The following ATF6 variants were observed in gnomAD, a reference collection of about 807,000 sequenced individuals.
ATF6 encodes the protein cyclic AMP-dependent transcription factor ATF-6 alpha.
A neutral mutation model predicts 83.6 loss-of-function variants in ATF6; 53 were observed. The observed-to-expected ratio is 0.63, with a 90% CI of 0.51 to 0.80. The LOEUF (loss-of-function observed/expected upper bound fraction) is 0.80, where lower values mean the gene tolerates loss of function less well. ATF6 is among the 30% of genes least tolerant of loss of function. The probability of loss-of-function intolerance (pLI) is 0.00; values close to 1 mark genes in which losing one functional copy is unlikely to be tolerated. For missense variants in ATF6, 744 were observed against 797.9 expected, an observed-to-expected ratio of 0.93 and a Z score of 0.81; for synonymous variants, 288 against 285.8, an observed-to-expected ratio of 1.01 and a Z score of -0.08.
chr1:161,847,891 C>T (rs1044410656), intron 10 of ATF6, among the ~76,000 whole-genome samples: 12 of 152,096 alleles, frequency 7.9e-5, no homozygotes, highest in African/African-American at 2.9e-4. Context: ...TTATTCTGCA[C>T]TAACTGCAGC....
At chr1:161,912,218 C>CT in intron 14 of ATF6, 78 bp from the exon 15 acceptor site, 1 of 894,428 alleles carries the variant, frequency 1.1e-6, no homozygotes, top group Non-Finnish European at 1.7e-6. Flanking sequence ...ATATTGACCT[C>CT]TTAGAAGCCC....
rs10715065 is a variant in ATF6, at chr1:161,917,422, A to AT, written c.1804+5057dup. On this transcript the variant is annotated intron_variant, in intron 15 of 15. Coordinates refer to ENST00000367942, the MANE Select transcript of ATF6 (RefSeq NM_007348.4). ...CAGTCTGAAGATAATTTTATACACA[A>AT]TTTTTTTTTTTTTTTGAAGGCAGAG... Among the ~76,000 whole-genome samples, 949 of 142,418 alleles carry AT rather than the reference A, an allele frequency of 6.7e-3. 11 individuals are homozygous for AT. The highest frequency in any genetic ancestry group is 0.023 in the African/African-American group (873 of 38,660). The allele number at this position is 142,418 out of a possible 152,430, so 93.4% of individuals were successfully genotyped here.
At chr1:161,877,939 TGGG>T (rs1468985163) in intron 14 of ATF6, among the ~76,000 whole-genome samples, 1 of 152,042 alleles carries the variant, frequency 6.6e-6, no homozygotes, top group African/African-American at 2.4e-5. Context: ...TGAAAATATT[TGGG>T]GGGCACGGTA....
chr1:161,839,598 G>A (rs941840477), intron 9 of ATF6, among the ~76,000 whole-genome samples: 1 of 152,122 alleles, frequency 6.6e-6, no homozygotes, highest in Non-Finnish European at 1.5e-5. Flanking sequence ...GTCTCAAACT[G>A]CTGGGCTGAA....
At chr1:161,823,639 A>G (rs1685815230) in intron 9 of ATF6, among the ~76,000 whole-genome samples, 1 of 152,218 alleles carries the variant, frequency 6.6e-6, no homozygotes, top group South Asian at 2.1e-4. Context: ...TCAAATCAAT[A>G]GTTTCATAAA....
intron 13 of ATF6, 24 bp downstream of exon 13, chr1:161,860,301 G>A: frequency 6.8e-7 from 1 of 1,479,882 alleles, no homozygotes; most frequent in Non-Finnish European, 9.0e-7. Context: ...GAAGCTCTTG[G>A]CCAAGGAATT....
At chr1:161,852,639 G>T (rs1390317999) in intron 11 of ATF6, among the ~76,000 whole-genome samples, 2 of 152,060 alleles carry the variant, frequency 1.3e-5, no homozygotes, top group African/African-American at 2.4e-5. Context: ...TTTAGACAGG[G>T]TCTTGCTCTG....
At chr1:161,883,394 T>C (rs1421624038) in intron 14 of ATF6, among the ~76,000 whole-genome samples, 5 of 152,054 alleles carry the variant, frequency 3.3e-5, no homozygotes, top group Non-Finnish European at 7.4e-5. Context: ...GCTCATTTCA[T>C]GTGATGTCTA....
At chr1:161,828,405 G>A (rs1310912463) in intron 9 of ATF6, among the ~76,000 whole-genome samples, 3 of 152,184 alleles carry the variant, frequency 2.0e-5, no homozygotes, top group African/African-American at 7.2e-5. Context: ...TGATAAGCTA[G>A]CATTGGAAGT....
chr1:161,853,444 C>G, intron 12 of ATF6, 121 bp downstream of exon 12: 1 of 721,884 alleles, frequency 1.4e-6, no homozygotes, highest in Non-Finnish European at 2.4e-6. Flanking sequence ...CCCACTGTCT[C>G]CTGCTGCTTC....
At chr1:161,819,946 A>G (rs1266973158) in intron 8 of ATF6, 128 bp downstream of exon 8, 10 of 884,790 alleles carry the variant, frequency 1.1e-5, no homozygotes, top group Non-Finnish European at 1.5e-5. Context: ...GGGTATAATA[A>G]GTCCTAAAAC....
At chr1:161,892,539 A>G (rs1687577059) in intron 14 of ATF6, among the ~76,000 whole-genome samples, 1 of 151,184 alleles carries the variant, frequency 6.6e-6, no homozygotes, top group South Asian at 2.1e-4. Context: ...TTTTTCCCCC[A>G]GTTGATTTTC....
chr1:161,903,631 A>G (rs550006526), intron 14 of ATF6, among the ~76,000 whole-genome samples: 1 of 152,184 alleles, frequency 6.6e-6, no homozygotes, highest in African/African-American at 2.4e-5. Context: ...TTGAACACTT[A>G]TAAGTGTTGA....
At chr1:161,846,317 C>T (rs994203221) in intron 9 of ATF6, 132 bp from the exon 10 acceptor site, 8 of 953,940 alleles carry the variant, frequency 8.4e-6, no homozygotes, top group Middle Eastern at 2.9e-4. Flanking sequence ...TTTGTACTTG[C>T]GTCTATGCCT....
At chr1:161,914,436 C>T (rs1414613403) in intron 15 of ATF6, among the ~76,000 whole-genome samples, 1 of 152,200 alleles carries the variant, frequency 6.6e-6, no homozygotes, top group Non-Finnish European at 1.5e-5. Flanking sequence ...CTGACGACTC[C>T]TCCACTGCCT....
intron 4 of ATF6, among the ~76,000 whole-genome samples, chr1:161,791,082 G>C (rs76324733): frequency 6.1e-4 from 42 of 68,942 alleles, no homozygotes; most frequent in African/African-American, 1.4e-3. Flanking sequence ...GTGTGTGTGT[G>C]TCTCTGTGTG....
intron 15 of ATF6, among the ~76,000 whole-genome samples, chr1:161,957,938 A>C (rs1689000376): frequency 6.6e-6 from 1 of 152,204 alleles, no homozygotes; most frequent in Non-Finnish European, 1.5e-5. Flanking sequence ...GTCTTAATGA[A>C]GTCAGAAATA....
intron 1 of ATF6, among the ~76,000 whole-genome samples, chr1:161,767,563 C>T (rs1653888138): frequency 6.6e-6 from 1 of 152,076 alleles, no homozygotes; most frequent in Non-Finnish European, 1.5e-5. Context: ...TTGTTTAATC[C>T]TACCAACAGT....
At position 161,845,126 on chromosome 1, in the gene ATF6, T is replaced by C. The variant is rs559395518; in HGVS notation, c.1188-1323T>C. ...TCTGGGGGTGAAGAATTGAGGAGAA[T>C]GGAAAATATATTAAGGGATCAGAAA... On this transcript the variant is annotated intron_variant, in intron 9 of 15. Coordinates refer to ENST00000367942, the MANE Select transcript of ATF6 (RefSeq NM_007348.4). Among the ~76,000 whole-genome samples, 6 of 152,290 alleles carry C rather than the reference T, an allele frequency of 3.9e-5. No individual in the cohort carries two copies. The South Asian group carries it at 1.0e-3, about 26-fold the overall frequency.
Sources: gnomAD v4.1 joint callset for allele counts (sites outside exome capture counted in the v4.1 genomes callset) on GRCh38, gnomAD v4.1.1 for gene constraint, MANE v1.5 for transcripts, NCBI Gene and HGNC (gene_info 2026-07-23, HGNC 2026-07-21) for gene names.